Variants in KNTC1 observed in about 807,000 individuals in gnomAD.
KNTC1 encodes the protein kinetochore-associated protein 1.
KNTC1 carries 253 observed loss-of-function variants against 314.4 expected under a neutral mutation model. The observed-to-expected ratio is 0.80, with a 90% CI of 0.73 to 0.89. The LOEUF is 0.89. Among genes scored for constraint, KNTC1 ranks in the 40% least tolerant of loss-of-function variants. The pLI, the probability that KNTC1 is intolerant of heterozygous loss-of-function variation, is 0.00. For missense variants in KNTC1, 2,475 were observed against 2,572.9 expected (o/e 0.96, Z 0.82); for synonymous variants, 901 against 901.4 (o/e 1.00, Z 0.01).
chr12:122,571,452 G>A (rs1964681618), intron 24 of KNTC1, among the ~76,000 whole-genome samples: 1 of 151,590 alleles, frequency 6.6e-6, no homozygotes, highest in Non-Finnish European at 1.5e-5. Flanking sequence ...CTCAACTTTT[G>A]GGCTCAAGTG....
intron 20 of KNTC1, chr12:122,563,635 G>T: frequency 1.9e-6 from 1 of 535,306 alleles, no homozygotes; most frequent in Non-Finnish European, 2.8e-6. Flanking sequence ...CTAGCAGCGA[G>T]AAGGGCAGAT....
Position 122,603,043 on chromosome 12 carries a change from T to G in KNTC1, c.4901T>G (p.Leu1634Arg). 2 of 1,613,548 alleles carry G rather than the reference T, an allele frequency of 1.2e-6. No individual in the cohort carries two copies. The highest frequency in any genetic ancestry group is 1.3e-5 in the African/African-American group (1 of 75,046). Reference sequence around the variant, plus strand: ...TCTTTGAAGTTCTCTCTGGACACTCTGTACGTGTCTACAGCAAAACACGTT... The same window carrying G: ...TCTTTGAAGTTCTCTCTGGACACTCGGTACGTGTCTACAGCAAAACACGTT... The part of the protein sequence containing the change: ...SKLMKFSLDT[L>R]YVSTAKHVFE... The change falls in exon 48 of 64, where the codon CTG (leucine) becomes CGG (arginine). Residue 1634 changes from leucine (L) to arginine (R), a missense_variant. Transcript: ENST00000333479.
chr12:122,568,214 C>A (rs1372816792), intron 20 of KNTC1, 47 bp from the exon 21 acceptor site: 1 of 899,766 alleles, frequency 1.1e-6, no homozygotes, highest in Non-Finnish European at 1.8e-6. Context: ...AAGGTATAAC[C>A]TTAATTTTTT....
Position 122,615,063 on chromosome 12 carries a change from C to G in KNTC1, c.5950C>G (p.Gln1984Glu), listed in dbSNP as rs764170655. The part of the protein sequence containing the change: ...YDLQLWNGLL[Q>E]KLLGFNMIPY... ...CCTGCAGCTTTGGAATGGACTCTTG[C>G]AAAAGCTTCTGGGCTTCAATATGGT... is the stretch of plus-strand genomic sequence containing the variant. Residue 1984 changes from glutamine (Q) to glutamate (E), a missense_variant, in exon 56 of 64, where the codon CAA (glutamine) becomes GAA (glutamate). Physicochemically the swap from Gln to Glu is conservative, Grantham distance 29. Coordinates refer to ENST00000333479, the MANE Select transcript of KNTC1 (RefSeq NM_014708.6). The G allele has an allele frequency of 1.9e-6, 3 of 1,612,836 alleles. No homozygotes were observed. The highest frequency in any genetic ancestry group is 2.7e-5 in the African/African-American group (2 of 74,992).
intron 24 of KNTC1, among the ~76,000 whole-genome samples, chr12:122,572,334 G>C (rs1028639334): frequency 6.6e-6 from 1 of 152,076 alleles, no homozygotes; most frequent in Non-Finnish European, 1.5e-5. Context: ...GGCAGAGGTT[G>C]CAGTGAGCCG....
Position 122,568,241 on chromosome 12 carries a change from T to C in KNTC1, c.1605-20T>C, listed in dbSNP as rs1964469987. The C allele has an allele frequency of 8.3e-7, 1 of 1,197,880 alleles. No homozygotes were observed. The highest frequency in any genetic ancestry group is 1.4e-5 in the South Asian group (1 of 73,976). 74.2% of individuals were successfully genotyped at this position (1,197,880 alleles called of 1,614,324 possible). A position where few individuals can be genotyped will look rare whatever the true frequency, so the allele number is the denominator to read the frequency against. ...TAATTTTTTTTAAAACTGACTTTTT[T>C]CCCTTCTTTGTCTATTCAGTGGCAG... On this transcript the variant is annotated intron_variant, in intron 20 of 63. Transcript: ENST00000333479.
chr12:122,585,565 C>T, intron 36 of KNTC1, 71 bp from the exon 37 acceptor site: 1 of 1,507,544 alleles, frequency 6.6e-7, no homozygotes, highest in Non-Finnish European at 9.1e-7. Context: ...TTCTATAAGC[C>T]ATAGACCAGA....
At position 122,551,315 on chromosome 12, in the gene KNTC1, G is replaced by T; in HGVS notation, c.1087-4G>T. The T allele has an allele frequency of 6.5e-7, 1 of 1,543,288 alleles. No homozygotes were observed. Among genetic ancestry groups the T allele is most frequent in the Admixed American group, 1.8e-5 (1 of 56,182 alleles). Reference sequence around the variant, plus strand: ...ATTTTAATCATGTTTTTTTGTTATTGTAGGATACCATATACCTTTTAGAAG... The same window carrying T: ...ATTTTAATCATGTTTTTTTGTTATTTTAGGATACCATATACCTTTTAGAAG... On this transcript the variant is annotated splice_region_variant and splice_polypyrimidine_tract_variant and intron_variant, in intron 13 of 63. Transcript: ENST00000333479.
Position 122,570,899 on chromosome 12 carries a change from A to T in KNTC1, c.1884A>T (p.Glu628Asp). Residue 628 changes from glutamate to aspartate, a missense_variant, in exon 23 of 64, where the codon GAA becomes GAT. Glu to Asp is a conservative substitution (Grantham distance 45). Coordinates refer to ENST00000333479, the MANE Select transcript of KNTC1 (RefSeq NM_014708.6). Reference protein sequence around the residue: ...EGQIILAKWLEQAARNLELTD... With the variant: ...EGQIILAKWLDQAARNLELTD... ...AGATAATTCTTGCAAAATGGTTGGAACAAGCAGCCAGGAACCTTGAATTAA... is the reference window on the plus strand; with the variant it reads ...AGATAATTCTTGCAAAATGGTTGGATCAAGCAGCCAGGAACCTTGAATTAA... 1 of 1,557,884 alleles carries T rather than the reference A, an allele frequency of 6.4e-7. No homozygotes were observed. The highest frequency in any genetic ancestry group is 8.7e-7 in the Non-Finnish European group (1 of 1,148,384).
chr12:122,606,723 G>A (rs1247397507), intron 51 of KNTC1, among the ~76,000 whole-genome samples: 1 of 151,750 alleles, frequency 6.6e-6, no homozygotes, highest in Non-Finnish European at 1.5e-5. Flanking sequence ...CTTTCACCGA[G>A]ATCCATGAAT....
chr12:122,531,297 C>A (rs1324110192), intron 2 of KNTC1, among the ~76,000 whole-genome samples: 3 of 151,968 alleles, frequency 2.0e-5, no homozygotes, highest in African/African-American at 7.3e-5. Context: ...ACCTCTGCCT[C>A]CTGGGTTCAA....
chr12:122,584,754 G>A, intron 35 of KNTC1, 139 bp from the exon 36 acceptor site: 1 of 565,230 alleles, frequency 1.8e-6, no homozygotes, highest in South Asian at 2.8e-5. Context: ...ACTTTTTAGG[G>A]TAGTCAAAGC....
intron 57 of KNTC1, among the ~76,000 whole-genome samples, chr12:122,616,464 T>C (rs1873775779): frequency 6.6e-6 from 1 of 152,176 alleles, no homozygotes; most frequent in Non-Finnish European, 1.5e-5. Context: ...GGTTTCACCG[T>C]GTTAGCCAGG....
rs568900680 is a variant in KNTC1 at position 122,582,745 on chromosome 12, A to G, written c.3023A>G (p.Asn1008Ser). 102 of 1,611,948 alleles carry G rather than the reference A, an allele frequency of 6.3e-5. 1 individual carries two copies. The South Asian group carries it at 6.5e-4, about 10-fold the overall frequency. The change falls in exon 34 of 64, where the codon AAT (asparagine) becomes AGT (serine). Residue 1008 changes from asparagine (N) to serine (S), a missense_variant. Coordinates refer to ENST00000333479, the MANE Select transcript of KNTC1 (RefSeq NM_014708.6). ...EVFLSFEDYS[N>S]SSLVADLREQ... ...TTTCTTTCATTTGAAGATTATAGCAATAGTTCCCTGGTAGCAGATCTCCGT... is the reference window on the plus strand; with the variant it reads ...TTTCTTTCATTTGAAGATTATAGCAGTAGTTCCCTGGTAGCAGATCTCCGT...
chr12:122,549,392 C>T (rs1963029507), intron 12 of KNTC1, among the ~76,000 whole-genome samples: 1 of 151,846 alleles, frequency 6.6e-6, no homozygotes, highest in Non-Finnish European at 1.5e-5. Context: ...CTCTGTTGCC[C>T]AGGCCGGAGT....
chr12:122,617,959 C>G (rs528040168), intron 57 of KNTC1, among the ~76,000 whole-genome samples: 1 of 152,296 alleles, frequency 6.6e-6, no homozygotes, highest in South Asian at 2.1e-4. Flanking sequence ...GTACAACCAT[C>G]ACCATTATCT....
At chr12:122,606,634 T>C (rs1240789284) in intron 51 of KNTC1, among the ~76,000 whole-genome samples, 1 of 152,206 alleles carries the variant, frequency 6.6e-6, no homozygotes, top group African/African-American at 2.4e-5. Flanking sequence ...CAGATTCATG[T>C]GATTAACTTT....
chr12:122,567,089 T>A (rs534883451), intron 20 of KNTC1, among the ~76,000 whole-genome samples: 7 of 152,006 alleles, frequency 4.6e-5, no homozygotes, highest in African/African-American at 9.6e-5. Flanking sequence ...CTTTTTTTTT[T>A]ATTTGAGACA....
At chr12:122,625,002 G>A (rs546454626) in intron 63 of KNTC1, among the ~76,000 whole-genome samples, 19 of 152,280 alleles carry the variant, frequency 1.2e-4, no homozygotes, top group African/African-American at 4.6e-4. Flanking sequence ...TGAAGCAGGT[G>A]AAAAACTGAA....
Sources: gnomAD v4.1 joint callset for allele counts (sites outside exome capture counted in the v4.1 genomes callset) on GRCh38, gnomAD v4.1.1 for gene constraint, MANE v1.5 for transcripts, NCBI Gene and HGNC (gene_info 2026-07-23, HGNC 2026-07-21) for gene names.